LYZL2: variants seen among roughly 807,000 people sequenced by gnomAD.
The protein encoded by LYZL2 is lysozyme like 2.
LYZL2 carries 13 observed loss-of-function variants against 17.1 expected under a neutral mutation model. The ratio of observed to expected loss-of-function variants is 0.76; its 90% CI spans 0.49 to 1.21. The LOEUF (loss-of-function observed/expected upper bound fraction) is 1.21, where lower values mean the gene tolerates loss of function less well. LYZL2 is among the 50% of genes most tolerant of loss of function. The probability of loss-of-function intolerance (pLI) is 0.00; values close to 1 mark genes in which losing one functional copy is unlikely to be tolerated. For synonymous variants in LYZL2, 63 were observed against 74.4 expected (o/e 0.85, Z 0.79); for missense variants, 166 against 189.2 (o/e 0.88, Z 0.72).
downstream of LYZL2, among the ~76,000 whole-genome samples, chr10:30,611,552 AAGGAAGGAAGGAAG>A (rs1564405761): frequency 1.2e-4 from 11 of 95,244 alleles, no homozygotes; most frequent in South Asian, 4.8e-4. Flanking sequence ...GGAAGGAAGG[AAGGAAGGAAGGAAG>A]GAAGGAAAGA....
intron 1 of LYZL2, among the ~76,000 whole-genome samples, chr10:30,627,572 T>C (rs1339022058): frequency 2.6e-5 from 4 of 152,232 alleles, no homozygotes; most frequent in Admixed American, 6.5e-5. Context: ...TATGATTTTC[T>C]TAATAACATT....
rs1046337291 is a variant in LYZL2 at position 30,612,034 on chromosome 10, A to C, written c.378-10T>G. On this transcript the variant is annotated splice_polypyrimidine_tract_variant and intron_variant, in intron 4 of 4. Coordinates refer to ENST00000647634, the MANE Select transcript of LYZL2 (RefSeq NM_183058.3). ...TTTCTTCCAGCCTTGCCTGAGGACG[A>C]GAGGGAAGCAAGAGCAGCAGAAAGA... 1.8e-5 allele frequency: 29 copies of C among 1,613,782 alleles called. 1 individual carries two copies. The highest frequency in any genetic ancestry group is 6.8e-6 in the Non-Finnish European group (8 of 1,179,870).
downstream of LYZL2, among the ~76,000 whole-genome samples, chr10:30,609,301 G>A (rs1418663791): frequency 1.3e-5 from 2 of 152,178 alleles, no homozygotes; most frequent in Non-Finnish European, 2.9e-5. Context: ...CACCAGCCAC[G>A]AGTTCAGAGG....
downstream of LYZL2, among the ~76,000 whole-genome samples, chr10:30,607,529 G>A (rs1838390978): frequency 6.6e-6 from 1 of 152,146 alleles, no homozygotes; most frequent in African/African-American, 2.4e-5. Flanking sequence ...AGAGGTGCTT[G>A]CTGAATCTGT....
At chr10:30,622,637 A>C (rs900318913) in intron 3 of LYZL2, among the ~76,000 whole-genome samples, 2 of 152,218 alleles carry the variant, frequency 1.3e-5, no homozygotes, top group African/African-American at 4.8e-5. Context: ...TCATGGCATA[A>C]CCCACAGGCC....
At position 30,629,577 on chromosome 10, in the gene LYZL2, G is replaced by T; in HGVS notation, c.-26+16C>A. ...CTCAGGGACAGGTGGCTTCATAAGAGTAATTTAGGTCTTACTGAAAAGGCA... is the reference window on the plus strand; with the variant it reads ...CTCAGGGACAGGTGGCTTCATAAGATTAATTTAGGTCTTACTGAAAAGGCA... On this transcript the variant is annotated intron_variant, in intron 1 of 4. Coordinates refer to ENST00000647634, the MANE Select transcript of LYZL2 (RefSeq NM_183058.3). 6.2e-7 allele frequency: 1 copy of T among 1,613,140 alleles called. No individual in the cohort carries two copies.
At chr10:30,606,376 T>G in the LYZL2 span, among the ~76,000 whole-genome samples, 1 of 135,558 alleles carries the variant, frequency 7.4e-6, no homozygotes, top group Non-Finnish European at 1.6e-5. Flanking sequence ...TTTTTAGAGA[T>G]AGGGTCTTTC....
chr10:30,623,277 C>T (rs1838653338), intron 3 of LYZL2, among the ~76,000 whole-genome samples: 1 of 152,160 alleles, frequency 6.6e-6, no homozygotes, highest in Non-Finnish European at 1.5e-5. Flanking sequence ...TATAGAACAT[C>T]CACCCACCAA....
intron 1 of LYZL2, 90 bp downstream of exon 1, chr10:30,629,503 A>C (rs1588680819): frequency 7.8e-7 from 1 of 1,288,264 alleles, no homozygotes. Context: ...AGCAATGATA[A>C]CCCCAAGCAT....
intron 3 of LYZL2, among the ~76,000 whole-genome samples, chr10:30,624,830 G>A (rs908251978): frequency 1.3e-4 from 20 of 152,174 alleles, no homozygotes; most frequent in African/African-American, 4.8e-4. Flanking sequence ...CTCTGCCTGA[G>A]TCCTTAGAAG....
downstream of LYZL2, among the ~76,000 whole-genome samples, chr10:30,608,928 T>C (rs982956402): frequency 6.6e-6 from 1 of 152,002 alleles, no homozygotes; most frequent in Non-Finnish European, 1.5e-5. Flanking sequence ...AAGCCTGAAA[T>C]TCCTGGGCTC....
chr10:30,618,209 A>G (rs1403816772), intron 3 of LYZL2, among the ~76,000 whole-genome samples: 1 of 152,262 alleles, frequency 6.6e-6, no homozygotes, highest in Non-Finnish European at 1.5e-5. Flanking sequence ...TTCCATGTTC[A>G]TGGGTAGGAA....
At chr10:30,618,407 G>A (rs553206171) in intron 3 of LYZL2, among the ~76,000 whole-genome samples, 53 of 152,264 alleles carry the variant, frequency 3.5e-4, no homozygotes, top group African/African-American at 1.1e-3. Context: ...GAGGCATCAC[G>A]CTACCTGACT....
intron 3 of LYZL2, among the ~76,000 whole-genome samples, chr10:30,616,458 G>T (rs1392800149): frequency 6.6e-6 from 1 of 152,222 alleles, no homozygotes; most frequent in Admixed American, 6.5e-5. Context: ...GCTGAGGCGG[G>T]CAGATCGCCA....
intron 4 of LYZL2, 103 bp downstream of exon 4, chr10:30,612,719 C>T: frequency 1.2e-6 from 1 of 832,082 alleles, no homozygotes; most frequent in Non-Finnish European, 2.0e-6. Flanking sequence ...ATTGGTTGGA[C>T]CACTCTGCGG....
intron 3 of LYZL2, among the ~76,000 whole-genome samples, chr10:30,617,694 A>AAAAAGAAAAAAAAAAAAAAG (rs1838555929): frequency 7.3e-6 from 1 of 137,484 alleles, no homozygotes; most frequent in Admixed American, 7.3e-5. Context: ...AAAAAAAAAA[A>AAAAAGAAAAAAAAAAAAAAG]AAAAGAAAAG....
intron 3 of LYZL2, among the ~76,000 whole-genome samples, chr10:30,619,258 A>G (rs1838582215): frequency 6.6e-6 from 1 of 152,242 alleles, no homozygotes; most frequent in African/African-American, 2.4e-5. Context: ...CCATTGTGGA[A>G]GTCAGTGTGG....
intron 3 of LYZL2, among the ~76,000 whole-genome samples, chr10:30,620,040 T>G (rs925640757): frequency 6.6e-6 from 1 of 152,214 alleles, no homozygotes; most frequent in Non-Finnish European, 1.5e-5. Flanking sequence ...CTTCTTCATA[T>G]GCCAAAAATT....
chr10:30,617,679 A>AAAAAAAAAAAAAAAAAAG (rs1838554156), intron 3 of LYZL2, among the ~76,000 whole-genome samples: 17 of 107,000 alleles, frequency 1.6e-4, no homozygotes, highest in Non-Finnish European at 3.0e-4. Context: ...TGTCTCAAAA[A>AAAAAAAAAAAAAAAAAAG]AAAAAAAAAA....
Sources: gnomAD v4.1 joint callset for allele counts (sites outside exome capture counted in the v4.1 genomes callset) on GRCh38, gnomAD v4.1.1 for gene constraint, MANE v1.5 for transcripts, NCBI Gene and HGNC (gene_info 2026-07-23, HGNC 2026-07-21) for gene names.